KIFC3: variants seen among roughly 807,000 people sequenced by gnomAD.
KIFC3 encodes the protein kinesin-like protein KIFC3.
Under a neutral mutation model 101.8 loss-of-function variants are expected in KIFC3, and 60 were observed. The observed-to-expected ratio is 0.59, with a 90% confidence interval of 0.48 to 0.73. The LOEUF (loss-of-function observed/expected upper bound fraction) is 0.73. Among genes scored for constraint, KIFC3 ranks in the 30% least tolerant of loss-of-function variants. The pLI is 0.00. For missense variants in KIFC3, 966 were observed against 1,137.1 expected (o/e 0.85, Z 2.16); for synonymous variants, 476 against 482.7 (o/e 0.99, Z 0.18).
At position 57,855,129 on chromosome 16, in the gene KIFC3, T is replaced by C. The variant is rs920721150; in HGVS notation, c.108+7600A>G. On this transcript the variant is annotated intron_variant, in intron 1 of 2. Transcript: ENST00000563028. ...CCTCCCCATTTCTTTCTTTTTTTTTTTTTTTTTTTTTTTTAGACATGGTCT... is the reference window on the plus strand; with the variant it reads ...CCTCCCCATTTCTTTCTTTTTTTTTCTTTTTTTTTTTTTTAGACATGGTCT... 6.4e-3 allele frequency among the ~76,000 whole-genome samples: 945 copies of C among 148,806 alleles called. 12 individuals are homozygous for C. The highest frequency in any genetic ancestry group is 0.022 in the African/African-American group (888 of 40,184).
chr16:57,766,691 G>A (rs1173666570), intron 10 of KIFC3, among the ~76,000 whole-genome samples, 183 bp downstream of exon 10: 3 of 152,146 alleles, frequency 2.0e-5, no homozygotes, highest in African/African-American at 7.2e-5. Context: ...CAAATCCAAG[G>A]CAGACCATTT....
intron 6 of KIFC3, 48 bp downstream of exon 6, chr16:57,771,150 T>G: frequency 1.2e-6 from 2 of 1,600,034 alleles, no homozygotes; most frequent in Admixed American, 1.7e-5. Flanking sequence ...CTGCCCCAGG[T>G]GCCAGGGGCC....
upstream of KIFC3, chr16:57,803,392 G>GGGT (rs1555626266): frequency 1.8e-6 from 1 of 548,816 alleles, no homozygotes; most frequent in East Asian, 4.5e-5. Context: ...CCACACCCCC[G>GGGT]GGTGCGGAAG....
At chr16:57,818,930 A>C (rs899679534) in intron 1 of KIFC3, among the ~76,000 whole-genome samples, 1 of 152,218 alleles carries the variant, frequency 6.6e-6, no homozygotes, top group African/African-American at 2.4e-5. Context: ...AAGGCCAGCT[A>C]TTTGAGCAGT....
At chr16:57,843,250 C>T (rs1482192280) in intron 1 of KIFC3, among the ~76,000 whole-genome samples, 1 of 152,150 alleles carries the variant, frequency 6.6e-6, no homozygotes, top group African/African-American at 2.4e-5. Flanking sequence ...ATATTTCAGA[C>T]AAAAGGATTT....
At position 57,767,067 on chromosome 16, in the gene KIFC3, A is replaced by C. The variant is rs141232911; in HGVS notation, c.1219-82T>G. 2.2e-3 allele frequency: 2,311 copies of C among 1,066,630 alleles called. 4 individuals carry two copies. Among genetic ancestry groups the C allele is most frequent in the Middle Eastern group, 3.4e-3 (14 of 4,160 alleles). 66.1% of individuals were successfully genotyped at this position (1,066,630 alleles called of 1,614,324 possible). The stretch of plus-strand genomic sequence containing the variant: ...GACTGCCCACCCCTGAGGGGTGCTC[A>C]CTGCCTCCTGCCCCTGGCTGAGTAC... On this transcript the variant is annotated intron_variant, in intron 9 of 19. Coordinates refer to ENST00000445690, the MANE Select transcript of KIFC3 (RefSeq NM_001130100.2).
intron 3 of KIFC3, among the ~76,000 whole-genome samples, chr16:57,786,260 G>A (rs970028178): frequency 1.3e-5 from 2 of 152,164 alleles, no homozygotes. Flanking sequence ...ATGAAGCGCA[G>A]GAACCTCCCA....
intron 3 of KIFC3, among the ~76,000 whole-genome samples, chr16:57,794,784 G>A (rs1369347998): frequency 3.3e-5 from 5 of 152,168 alleles, no homozygotes; most frequent in African/African-American, 9.7e-5. Context: ...GCCAGGGCAT[G>A]GCTGAAAAGC....
Position 57,821,336 on chromosome 16 carries a change from G to A in KIFC3, c.109-23054C>T, listed in dbSNP as rs1028834002. Among the ~76,000 whole-genome samples the A allele has an allele frequency of 6.6e-5, 10 of 152,286 alleles. No individual in the cohort carries two copies. The South Asian group carries it at 1.4e-3, about 22-fold the overall frequency. The stretch of plus-strand genomic sequence containing the variant: ...CTGGAGGAGAATGACCAGACCTTGC[G>A]AAAGGATGTTCTGTCTCTGGCTGTA... On this transcript the variant is annotated intron_variant, in intron 1 of 2. Coordinates refer to the KIFC3 transcript ENST00000563028.
chr16:57,759,698 T>C, intron 18 of KIFC3, 30 bp downstream of exon 18: 2 of 1,549,622 alleles, frequency 1.3e-6, no homozygotes, highest in Non-Finnish European at 1.8e-6. Flanking sequence ...CTGGGGAGAC[T>C]CCCCACCCAC....
Position 57,775,096 on chromosome 16 carries a change from G to A in KIFC3, c.316-2808C>T, listed in dbSNP as rs1222788246. On this transcript the variant is annotated intron_variant, in intron 3 of 19. Coordinates refer to ENST00000445690, the MANE Select transcript of KIFC3 (RefSeq NM_001130100.2). ...GGATACCCACCAGCCACCTGCCTGC[G>A]GCCCAGGGTTCTGTTCTGTCCTTGC... 127 of 1,490,170 alleles carry A rather than the reference G, an allele frequency of 8.5e-5. 1 individual carries two copies. The highest frequency in any genetic ancestry group is 6.2e-4 in the Admixed American group (28 of 45,130). 92.3% of individuals were successfully genotyped at this position (1,490,170 alleles called of 1,614,324 possible). A position where few individuals can be genotyped will look rare whatever the true frequency, so the allele number is the denominator to read the frequency against.
intron 1 of KIFC3, among the ~76,000 whole-genome samples, chr16:57,842,775 G>T (rs1438020170): frequency 6.6e-6 from 1 of 152,168 alleles, no homozygotes; most frequent in Non-Finnish European, 1.5e-5. Context: ...CACACAGCCA[G>T]TACAGAGAGA....
chr16:57,850,276 A>C (rs578227305), intron 1 of KIFC3, among the ~76,000 whole-genome samples: 1 of 149,152 alleles, frequency 6.7e-6, no homozygotes, highest in East Asian at 2.1e-4. Flanking sequence ...GGTGGCATGC[A>C]CCTGTAGTCC....
chr16:57,769,761 T>A lies in KIFC3; in HGVS notation c.1088-36A>T, dbSNP rs1224860868. ...ACTCGGGCTGTGAGGCGGGAGGGGA[T>A]GAGGGGCCGCGGCGTGGGGCAGACA... On this transcript the variant is annotated intron_variant, in intron 8 of 19. Coordinates refer to ENST00000445690, the MANE Select transcript of KIFC3 (RefSeq NM_001130100.2). This position sits in a 1 kb window ranked among gnomAD's most constrained non-coding sequence, Gnocchi z 4.3. The A allele has an allele frequency of 6.2e-7, 1 of 1,612,524 alleles. No homozygotes were observed. Among genetic ancestry groups the A allele is most frequent in the Non-Finnish European group, 8.5e-7 (1 of 1,179,688 alleles).
intron 1 of KIFC3, among the ~76,000 whole-genome samples, chr16:57,857,822 C>CTTTTTTTTTTT (rs57102595): frequency 2.2e-5 from 2 of 92,784 alleles, no homozygotes; most frequent in Admixed American, 1.4e-4. Flanking sequence ...TTCTTTCTTT[C>CTTTTTTTTTTT]TTTTTTTTTT....
intron 3 of KIFC3, among the ~76,000 whole-genome samples, chr16:57,772,526 C>T (rs1467819888): frequency 3.3e-5 from 5 of 152,182 alleles, no homozygotes; most frequent in Non-Finnish European, 7.4e-5. Context: ...CCAACCCCAG[C>T]TCTTCAGGAA....
intron 1 of KIFC3, among the ~76,000 whole-genome samples, chr16:57,833,064 G>A (rs782573067): frequency 7.2e-5 from 11 of 152,038 alleles, no homozygotes; most frequent in Non-Finnish European, 1.5e-4. Flanking sequence ...AAATTAGCCA[G>A]GTGTGGTGGC....
upstream of KIFC3, among the ~76,000 whole-genome samples, chr16:57,803,633 G>A (rs2054860034): frequency 6.6e-6 from 1 of 152,256 alleles, no homozygotes; most frequent in Non-Finnish European, 1.5e-5. Context: ...AAGGGCCTGG[G>A]CCTCAGATTG....
Position 57,798,163 on chromosome 16 carries a change from CTCCGG to C in KIFC3, c.76_80del (p.Pro26AlafsTer41). 6.5e-7 allele frequency: 1 copy of C among 1,540,688 alleles called. No individual in the cohort carries two copies. The highest frequency in any genetic ancestry group is 8.7e-7 in the Non-Finnish European group (1 of 1,143,370). On this transcript the variant is annotated frameshift_variant, in exon 2 of 20. Transcript: ENST00000445690. LOFTEE classifies it high-confidence loss of function. Reference sequence around the variant, plus strand: ...CGGGGCGAGCCATCCCCGGCTCGGGCTCCGGGGCCCGGCCCACTCTCCACAGGCCC... The same window carrying C: ...CGGGGCGAGCCATCCCCGGCTCGGGCGGCCCGGCCCACTCTCCACAGGCCC...
Sources: gnomAD v4.1 joint callset for allele counts (sites outside exome capture counted in the v4.1 genomes callset) on GRCh38, gnomAD v4.1.1 for gene constraint, Gnocchi (gnomAD v3.1) non-coding constraint, MANE v1.5 for transcripts, NCBI Gene and HGNC (gene_info 2026-07-23, HGNC 2026-07-21) for gene names.